The following DAAM1 variants were observed in gnomAD, a reference collection of about 807,000 sequenced individuals.
DAAM1 encodes the protein disheveled-associated activator of morphogenesis 1.
A neutral mutation model predicts 130.0 loss-of-function variants in DAAM1; 52 were observed. The ratio of observed to expected loss-of-function variants is 0.40; its 90% CI spans 0.32 to 0.50. The LOEUF is 0.50. DAAM1 is among the 20% of genes least tolerant of loss of function. DAAM1 has a pLI of 0.61. For missense variants in DAAM1, 1,134 were observed against 1,303.8 expected (o/e 0.87, Z 2.01); for synonymous variants, 452 against 444.5 (o/e 1.02, Z -0.21).
intron 1 of DAAM1, among the ~76,000 whole-genome samples, chr14:59,257,751 G>A (rs951011982): frequency 5.3e-5 from 8 of 152,122 alleles, no homozygotes; most frequent in African/African-American, 7.2e-5. Flanking sequence ...GCACCCCCAC[G>A]ACTCAGCATC....
Position 59,299,363 on chromosome 14 carries a change from G to A in DAAM1, c.273+8057G>A, listed in dbSNP as rs7359124. ...AATTTCTCGCTCCTCTGTAAAATGAGATTAACTTTATGGGGTTTTAGTGAA... is the reference window on the plus strand; with the variant it reads ...AATTTCTCGCTCCTCTGTAAAATGAAATTAACTTTATGGGGTTTTAGTGAA... On this transcript the variant is annotated intron_variant, in intron 3 of 24. Coordinates refer to ENST00000360909, the MANE Select transcript of DAAM1 (RefSeq NM_001270520.2). Among the ~76,000 whole-genome samples the A allele has an allele frequency of 2.4e-3, 366 of 152,292 alleles. 1 individual carries two copies. The highest frequency in any genetic ancestry group is 8.3e-3 in the African/African-American group (346 of 41,556).
chr14:59,253,555 C>A (rs1237487492), intron 1 of DAAM1, among the ~76,000 whole-genome samples: 3 of 152,112 alleles, frequency 2.0e-5, no homozygotes, highest in East Asian at 3.8e-4. Flanking sequence ...GACCTCTGGG[C>A]AAAATTTTGT....
chr14:59,327,398 G>GTTTTTTTTTTTT (rs1338982717), intron 12 of DAAM1, among the ~76,000 whole-genome samples: 30 of 72,752 alleles, frequency 4.1e-4, no homozygotes, highest in Admixed American at 2.7e-3. Context: ...AGGTCACTTG[G>GTTTTTTTTTTTT]TTTCTTTTTT....
intron 1 of DAAM1, among the ~76,000 whole-genome samples, chr14:59,219,141 G>C (rs1311647272): frequency 2.0e-5 from 3 of 152,062 alleles, no homozygotes; most frequent in African/African-American, 4.8e-5. Flanking sequence ...TTGGCATTTG[G>C]TGGTGATGGT....
intron 12 of DAAM1, among the ~76,000 whole-genome samples, chr14:59,327,442 T>C (rs1331980442): frequency 1.4e-5 from 2 of 138,546 alleles, no homozygotes; most frequent in Non-Finnish European, 3.1e-5. Flanking sequence ...GGAGTCTTGC[T>C]CTGTCACCCA....
chr14:59,210,400 C>G (rs1390733991), intron 1 of DAAM1, among the ~76,000 whole-genome samples: 2 of 152,048 alleles, frequency 1.3e-5, no homozygotes, highest in South Asian at 4.1e-4. Flanking sequence ...GGCCTGTTTG[C>G]GAATTTATCT....
chr14:59,194,750 A>G (rs1010657052), intron 1 of DAAM1, among the ~76,000 whole-genome samples: 1 of 152,244 alleles, frequency 6.6e-6, no homozygotes, highest in Non-Finnish European at 1.5e-5. Context: ...CAGAAGAGAT[A>G]CTTTTATTTA....
At chr14:59,328,762 G>A (rs1003801342) in intron 12 of DAAM1, among the ~76,000 whole-genome samples, 1 of 152,232 alleles carries the variant, frequency 6.6e-6, no homozygotes, top group African/African-American at 2.4e-5. Flanking sequence ...CAGGATTTAG[G>A]TGGCTGAGAT....
rs560020968 is a variant in DAAM1, at chr14:59,277,731, A to G, written c.184-13486A>G. Among the ~76,000 whole-genome samples, 7 of 152,216 alleles carry G rather than the reference A, an allele frequency of 4.6e-5. 1 individual carries two copies. The highest frequency in any genetic ancestry group is 4.1e-4 in the South Asian group (2 of 4,824). On this transcript the variant is annotated intron_variant, in intron 2 of 24. Coordinates refer to ENST00000360909, the MANE Select transcript of DAAM1 (RefSeq NM_001270520.2). ...ACATGAAAAAAAAATTCTCTGACCA[A>G]TGAAAGGAGCTCGGCCACCCAAGTC...
chr14:59,324,105 C>A, intron 6 of DAAM1, 23 bp from the exon 7 acceptor site: 1 of 1,344,876 alleles, frequency 7.4e-7, no homozygotes, highest in Non-Finnish European at 9.7e-7. Flanking sequence ...CGTTTCAGTC[C>A]TTTGTTTTTC....
At chr14:59,355,638 T>C (rs575214414) in intron 20 of DAAM1, among the ~76,000 whole-genome samples, 1 of 152,318 alleles carries the variant, frequency 6.6e-6, no homozygotes, top group East Asian at 1.9e-4. Context: ...AATTATTTTT[T>C]GTAAACTTTT....
At chr14:59,229,891 G>T (rs1889049713) in intron 1 of DAAM1, among the ~76,000 whole-genome samples, 1 of 152,182 alleles carries the variant, frequency 6.6e-6, no homozygotes, top group Non-Finnish European at 1.5e-5. Context: ...TGTTCACCAG[G>T]TTGAAGTGAA....
chr14:59,207,753 CAAAA>C (rs1187952198), intron 1 of DAAM1, among the ~76,000 whole-genome samples: 1 of 152,126 alleles, frequency 6.6e-6, no homozygotes, highest in Admixed American at 6.5e-5. Context: ...TAATTACAAA[CAAAA>C]AAGTCAAAGA....
intron 1 of DAAM1, among the ~76,000 whole-genome samples, chr14:59,253,095 C>T (rs1218186696): frequency 1.3e-5 from 2 of 152,114 alleles, no homozygotes; most frequent in African/African-American, 2.4e-5. Flanking sequence ...TTGAAATTTT[C>T]GTCTCATTGT....
rs898997321 is a variant in DAAM1, at chr14:59,276,046, TA to T, written c.183+12388del. On this transcript the variant is annotated intron_variant, in intron 2 of 24. Transcript: ENST00000360909. ...TTTTTCCTGACTGGTTGGGAGCAGG[TA>T]ATAATTCACTGAATGCACCTCTATG... Among the ~76,000 whole-genome samples the T allele has an allele frequency of 3.5e-4, 53 of 152,178 alleles. 1 individual carries two copies. The highest frequency in any genetic ancestry group is 8.8e-5 in the Non-Finnish European group (6 of 68,030).
At chr14:59,261,860 G>T (rs78879943) in intron 1 of DAAM1, among the ~76,000 whole-genome samples, 8,784 of 152,196 alleles carry the variant, frequency 0.058, 856 homozygotes, top group African/African-American at 0.2. Flanking sequence ...TTCAAGGAAG[G>T]CATCTGTTTT....
intron 2 of DAAM1, among the ~76,000 whole-genome samples, chr14:59,288,987 G>T (rs563553135): frequency 3.9e-5 from 6 of 152,200 alleles, no homozygotes; most frequent in South Asian, 4.1e-4. Flanking sequence ...CACAATCTCC[G>T]CTCACTGCAA....
rs533321022 is a variant in DAAM1 at position 59,197,139 on chromosome 14, C to T, written c.-38+8371C>T. 5.3e-5 allele frequency among the ~76,000 whole-genome samples: 8 copies of T among 152,326 alleles called. No homozygotes were observed. The South Asian group carries it at 8.3e-4, about 16-fold the overall frequency. On this transcript the variant is annotated intron_variant, in intron 1 of 24. Transcript: ENST00000360909. ...GTTTCACCGTGTTAGCCTGGATGGT[C>T]TCGATCTCCTGACCTCGTGATCCGC...
At chr14:59,324,531 C>A in intron 8 of DAAM1, 77 bp downstream of exon 8, 1 of 885,874 alleles carries the variant, frequency 1.1e-6, no homozygotes. Context: ...CAAGTGCTGG[C>A]CTGTGGTTAC....
Sources: allele counts gnomAD v4.1 joint callset (sites outside exome capture counted in the v4.1 genomes callset), GRCh38; gene constraint gnomAD v4.1.1; transcripts MANE v1.5; gene names NCBI Gene and HGNC (gene_info 2026-07-23, HGNC 2026-07-21).